CCSER1: variants seen among roughly 807,000 people sequenced by gnomAD.
The protein encoded by CCSER1 is coiled-coil serine rich protein 1.
In CCSER1, 41 loss-of-function variants were observed where a neutral mutation model predicts 82.0. That is an observed-to-expected ratio of 0.50 (90% CI 0.39 to 0.65). The LOEUF (loss-of-function observed/expected upper bound fraction) is 0.65, where lower values mean the gene tolerates loss of function less well. Among genes scored for constraint, CCSER1 ranks in the 30% least tolerant of loss-of-function variants. CCSER1 has a pLI of 0.00. For synonymous variants in CCSER1, 414 were observed against 383.9 expected, an observed-to-expected ratio of 1.08 and a Z score of -0.92; for missense variants, 1,119 against 1,064.2, an observed-to-expected ratio of 1.05 and a Z score of -0.72.
chr4:91,325,058 G>A, intron 10 of CCSER1: 1 of 406,796 alleles, frequency 2.5e-6, no homozygotes, highest in Non-Finnish European at 4.8e-6. Flanking sequence ...GACCTGTGGG[G>A]CAAGGGGCTT....
At chr4:90,953,686 A>G (rs1038980543) in intron 9 of CCSER1, among the ~76,000 whole-genome samples, 1 of 151,760 alleles carries the variant, frequency 6.6e-6, no homozygotes, top group Non-Finnish European at 1.5e-5. Context: ...ATTTACATCC[A>G]TGTGTATATA....
chr4:91,178,742 G>T (rs1309790115), intron 10 of CCSER1, among the ~76,000 whole-genome samples: 2 of 151,986 alleles, frequency 1.3e-5, no homozygotes, highest in East Asian at 1.9e-4. Context: ...CTCACTGATG[G>T]GTCTTGACTC....
chr4:90,442,180 C>T (rs1759983645), intron 4 of CCSER1, among the ~76,000 whole-genome samples: 1 of 151,946 alleles, frequency 6.6e-6, no homozygotes, highest in African/African-American at 2.4e-5. Context: ...GGTCATCATT[C>T]TTAAGAGCTA....
At chr4:90,818,117 T>C (rs1759260369) in intron 8 of CCSER1, among the ~76,000 whole-genome samples, 1 of 152,150 alleles carries the variant, frequency 6.6e-6, no homozygotes, top group Admixed American at 6.5e-5. Flanking sequence ...TAGATGTAAT[T>C]GTACCAAGAA....
intron 1 of CCSER1, among the ~76,000 whole-genome samples, chr4:90,243,280 G>A (rs1438090874): frequency 4.0e-5 from 6 of 151,660 alleles, no homozygotes; most frequent in South Asian, 2.1e-4. Flanking sequence ...ATGGAGTCTC[G>A]CTCTGTTGCC....
rs547066309 is a variant in CCSER1, at chr4:90,501,656, A to G, written c.1724+33302A>G. On this transcript the variant is annotated intron_variant, in intron 5 of 10. Coordinates refer to ENST00000509176, the MANE Select transcript of CCSER1 (RefSeq NM_001145065.2). ...TGCAAACATTTTGAAAATATAATCTATATGCCCACTTGTCATGTGTTTCTA... is the reference window on the plus strand; with the variant it reads ...TGCAAACATTTTGAAAATATAATCTGTATGCCCACTTGTCATGTGTTTCTA... 5.3e-4 allele frequency among the ~76,000 whole-genome samples: 81 copies of G among 152,306 alleles called. 1 individual carries two copies. Among genetic ancestry groups the G allele is most frequent in the Middle Eastern group, 6.8e-3 (2 of 294 alleles).
intron 10 of CCSER1, among the ~76,000 whole-genome samples, chr4:91,474,785 G>C (rs1189289546): frequency 5.5e-5 from 3 of 54,378 alleles, no homozygotes; most frequent in Non-Finnish European, 1.1e-4. Flanking sequence ...ATATATATTT[G>C]TGTATATATA....
intron 1 of CCSER1, among the ~76,000 whole-genome samples, chr4:90,180,120 TTA>T (rs59586682): frequency 0.017 from 2,377 of 140,256 alleles, 52 homozygotes; most frequent in African/African-American, 0.047. Context: ...GCTTATGTAG[TTA>T]TATATATATA....
chr4:91,539,747 C>G (rs1411852883), intron 10 of CCSER1, among the ~76,000 whole-genome samples: 1 of 151,948 alleles, frequency 6.6e-6, no homozygotes, highest in Non-Finnish European at 1.5e-5. Flanking sequence ...TGTAATCAGT[C>G]TATCTATCAC....
chr4:90,539,608 C>A (rs1775853534), intron 5 of CCSER1, among the ~76,000 whole-genome samples: 1 of 152,026 alleles, frequency 6.6e-6, no homozygotes, highest in African/African-American at 2.4e-5. Context: ...CATGCATTTT[C>A]TGAGCCCCAC....
intron 10 of CCSER1, among the ~76,000 whole-genome samples, chr4:91,433,510 A>G (rs1754453635): frequency 6.6e-6 from 1 of 152,194 alleles, no homozygotes; most frequent in African/African-American, 2.4e-5. Flanking sequence ...ACACAGGTGT[A>G]CCATTTTTTA....
At chr4:90,276,203 T>TTTCTTTCTTTCC (rs1727535685) in intron 1 of CCSER1, among the ~76,000 whole-genome samples, 1 of 47,992 alleles carries the variant, frequency 2.1e-5, no homozygotes, top group Non-Finnish European at 4.2e-5. Context: ...TCTTTCTTTC[T>TTTCTTTCTTTCC]TTCTTTCTTT....
chr4:91,358,723 C>G (rs1749038172), intron 10 of CCSER1, among the ~76,000 whole-genome samples: 1 of 152,136 alleles, frequency 6.6e-6, no homozygotes. Context: ...AGTGCCAGTT[C>G]CTTCCTGGTG....
At chr4:91,547,988 G>A (rs773512744) in intron 10 of CCSER1, among the ~76,000 whole-genome samples, 1 of 152,088 alleles carries the variant, frequency 6.6e-6, no homozygotes, top group Non-Finnish European at 1.5e-5. Context: ...TCACCATGTT[G>A]CCCAGGCTGG....
intron 3 of CCSER1, among the ~76,000 whole-genome samples, chr4:90,354,553 T>A (rs1744081233): frequency 6.6e-6 from 1 of 152,136 alleles, no homozygotes; most frequent in African/African-American, 2.4e-5. Flanking sequence ...TGGTACTCAT[T>A]TCACAGTGTG....
chr4:91,233,375 C>G (rs1484216758), intron 10 of CCSER1, among the ~76,000 whole-genome samples: 2 of 151,800 alleles, frequency 1.3e-5, no homozygotes, highest in African/African-American at 4.8e-5. Flanking sequence ...TTTGCAGATA[C>G]GTACCTTCAC....
intron 10 of CCSER1, among the ~76,000 whole-genome samples, chr4:91,407,467 A>G (rs1010295394): frequency 3.3e-5 from 5 of 152,198 alleles, no homozygotes; most frequent in Non-Finnish European, 7.3e-5. Context: ...TGTCATGCAC[A>G]TTAGAGAGGT....
intron 3 of CCSER1, among the ~76,000 whole-genome samples, chr4:90,383,347 G>T (rs1010806084): frequency 6.6e-6 from 1 of 152,084 alleles, no homozygotes; most frequent in Non-Finnish European, 1.5e-5. Flanking sequence ...TGAATAATAC[G>T]ATCAACTTTA....
At chr4:91,063,225 T>A (rs1245804281) in intron 9 of CCSER1, among the ~76,000 whole-genome samples, 1 of 152,134 alleles carries the variant, frequency 6.6e-6, no homozygotes, top group African/African-American at 2.4e-5. Flanking sequence ...TAATCCTTGC[T>A]TAGATAGAGA....
Sources: allele counts gnomAD v4.1 joint callset (sites outside exome capture counted in the v4.1 genomes callset), GRCh38; gene constraint gnomAD v4.1.1; transcripts MANE v1.5; gene names NCBI Gene and HGNC (gene_info 2026-07-23, HGNC 2026-07-21).